Variants in PCNX2 observed in about 807,000 individuals in gnomAD.
The protein encoded by PCNX2 is pecanex 2.
In PCNX2, 168 loss-of-function variants were observed where a neutral mutation model predicts 223.8. That is an observed-to-expected ratio of 0.75 (90% CI 0.66 to 0.85). The LOEUF is 0.85. PCNX2 is among the 40% of genes least tolerant of loss of function. The pLI is 0.00. For missense variants in PCNX2, 2,507 were observed against 2,675.5 expected (o/e 0.94, Z 1.39); for synonymous variants, 1,006 against 1,052.6 (o/e 0.96, Z 0.86).
intron 20 of PCNX2, among the ~76,000 whole-genome samples, chr1:233,137,133 A>G (rs1378091784): frequency 1.3e-5 from 2 of 152,220 alleles, no homozygotes; most frequent in Non-Finnish European, 2.9e-5. Flanking sequence ...CATTGATGGG[A>G]AAACAAAATG....
chr1:233,118,626 CA>C lies in PCNX2; in HGVS notation c.3837+16386del, dbSNP rs770727229. 1.3e-4 allele frequency among the ~76,000 whole-genome samples: 19 copies of C among 151,606 alleles called. No individual in the cohort carries two copies. In the East Asian group the frequency reaches 3.7e-3, roughly 29 times the overall value. ...ACATACAATTCAATTCATAGTCACT[CA>C]AAAAAAGGATCACATAAATTGTAAA... On this transcript the variant is annotated intron_variant, in intron 21 of 33. Coordinates refer to ENST00000258229, the MANE Select transcript of PCNX2 (RefSeq NM_014801.4).
chr1:233,309,973 A>G, the PCNX2 span, among the ~76,000 whole-genome samples: 1 of 152,186 alleles, frequency 6.6e-6, no homozygotes, highest in Admixed American at 6.5e-5. Flanking sequence ...CCCATTACAC[A>G]TCAAATAAAT....
rs369886650 is a variant in PCNX2, at chr1:233,235,957, A to AAAAAATATATAT, written c.2358+887_2358+888insATATATATTTTT. Among the ~76,000 whole-genome samples, 440 of 93,066 alleles carry AAAAAATATATAT rather than the reference A, an allele frequency of 4.7e-3. 1 individual carries two copies. Among genetic ancestry groups the AAAAAATATATAT allele is most frequent in the Middle Eastern group, 0.016 (2 of 126 alleles). The allele number at this position is 93,066 out of a possible 152,430, so 61.1% of individuals were successfully genotyped here. On this transcript the variant is annotated intron_variant, in intron 9 of 33. Transcript: ENST00000258229. ...ATGTGGCAAAGCAATCATAAAAAAA[A>AAAAAATATATAT]ATATATATATATATATATATATATA...
chr1:233,227,722 A>G (rs534031619), intron 9 of PCNX2, among the ~76,000 whole-genome samples: 163 of 152,318 alleles, frequency 1.1e-3, no homozygotes, highest in Non-Finnish European at 1.5e-3. Context: ...GAATTCAATA[A>G]AAGATCTTAA....
intron 15 of PCNX2, among the ~76,000 whole-genome samples, chr1:233,183,139 A>G (rs1679899640): frequency 6.6e-6 from 1 of 152,172 alleles, no homozygotes; most frequent in East Asian, 1.9e-4. Context: ...AACTTTATCC[A>G]TGTTAGAAAA....
chr1:233,211,809 A>C, intron 12 of PCNX2: 5 of 985,380 alleles, frequency 5.1e-6, no homozygotes, highest in Non-Finnish European at 6.0e-6. Context: ...GAATGTGAAC[A>C]TTACTCATGT....
chr1:233,106,324 G>T (rs1674770316), intron 21 of PCNX2, among the ~76,000 whole-genome samples: 1 of 144,184 alleles, frequency 6.9e-6, no homozygotes, highest in South Asian at 2.3e-4. Flanking sequence ...CCTGGATTCT[G>T]TTGGGGGCTT....
chr1:232,993,212 T>G (rs1336059287), intron 32 of PCNX2, among the ~76,000 whole-genome samples: 1 of 152,182 alleles, frequency 6.6e-6, no homozygotes, highest in East Asian at 1.9e-4. Flanking sequence ...TTGACCAAAA[T>G]GCTGATAGTA....
At chr1:233,278,165 C>T (rs898298131) in intron 1 of PCNX2, among the ~76,000 whole-genome samples, 1 of 151,218 alleles carries the variant, frequency 6.6e-6, no homozygotes, top group Non-Finnish European at 1.5e-5. Flanking sequence ...GCACACAGTA[C>T]CTGACACGCA....
chr1:233,146,801 G>T (rs1396296655), intron 19 of PCNX2, among the ~76,000 whole-genome samples: 9 of 152,158 alleles, frequency 5.9e-5, no homozygotes, highest in Non-Finnish European at 1.0e-4. Context: ...GGGGGAGTAA[G>T]AACTAGATTT....
At chr1:232,995,270 A>G (rs543192025) in intron 32 of PCNX2, among the ~76,000 whole-genome samples, 1 of 151,528 alleles carries the variant, frequency 6.6e-6, no homozygotes, top group East Asian at 1.9e-4. Context: ...CCATCCCCCT[A>G]AGCAGGACAA....
At chr1:233,080,540 C>T (rs983869338) in intron 23 of PCNX2, among the ~76,000 whole-genome samples, 2 of 151,986 alleles carry the variant, frequency 1.3e-5, no homozygotes, top group Non-Finnish European at 2.9e-5. Flanking sequence ...GCTGGAAGTC[C>T]GAGATGAGGG....
chr1:233,233,622 G>A (rs1169324296), intron 9 of PCNX2, among the ~76,000 whole-genome samples: 1 of 151,984 alleles, frequency 6.6e-6, no homozygotes, highest in African/African-American at 2.4e-5. Flanking sequence ...CTGACCACCC[G>A]CCCATTAGAG....
intron 28 of PCNX2, among the ~76,000 whole-genome samples, chr1:233,011,555 G>A (rs759111218): frequency 3.5e-4 from 54 of 152,134 alleles, no homozygotes; most frequent in South Asian, 2.1e-4. Flanking sequence ...AGCCTTGCTG[G>A]GTTTAGGTAA....
intron 26 of PCNX2, among the ~76,000 whole-genome samples, chr1:233,018,553 T>C (rs974688977): frequency 6.6e-6 from 1 of 152,150 alleles, no homozygotes; most frequent in Non-Finnish European, 1.5e-5. Flanking sequence ...AGTTTTTGAA[T>C]AAATTCCTCC....
intron 21 of PCNX2, among the ~76,000 whole-genome samples, chr1:233,119,644 GAAAC>G (rs887790345): frequency 1.5e-4 from 23 of 151,272 alleles, no homozygotes; most frequent in African/African-American, 4.8e-4. Flanking sequence ...AATGGCTTAG[GAAAC>G]AAACAAACAA....
At chr1:233,144,952 TG>T (rs1433956095) in intron 19 of PCNX2, among the ~76,000 whole-genome samples, 51 of 64,254 alleles carry the variant, frequency 7.9e-4, no homozygotes, top group Middle Eastern at 8.3e-3. Context: ...GTTGTTGTTT[TG>T]TTTTTTTTTT....
At chr1:233,096,732 T>C (rs1674192518) in intron 21 of PCNX2, among the ~76,000 whole-genome samples, 1 of 152,140 alleles carries the variant, frequency 6.6e-6, no homozygotes, top group South Asian at 2.1e-4. Flanking sequence ...AAGGCCATGA[T>C]GTGAAATGAG....
chr1:233,107,733 T>TGTAG lies in PCNX2; in HGVS notation c.3838-11874_3838-11871dup, dbSNP rs1197732360. ...TAAAAATCTCATTACAGAACTGAGT[T>TGTAG]GTAGAGCAGACAGCTCTCAGAGGCA... On this transcript the variant is annotated intron_variant, in intron 21 of 33. Transcript: ENST00000258229. Among the ~76,000 whole-genome samples the TGTAG allele has an allele frequency of 2.6e-5, 4 of 151,446 alleles. No homozygotes were observed. In the South Asian group the frequency reaches 8.3e-4, roughly 32 times the overall value.
Sources: gnomAD v4.1 joint callset for allele counts (sites outside exome capture counted in the v4.1 genomes callset) on GRCh38, gnomAD v4.1.1 for gene constraint, MANE v1.5 for transcripts, NCBI Gene and HGNC (gene_info 2026-07-23, HGNC 2026-07-21) for gene names.